GOLGA3: variants seen among roughly 807,000 people sequenced by gnomAD.
The protein encoded by GOLGA3 is golgin A3.
A neutral mutation model predicts 169.4 loss-of-function variants in GOLGA3; 75 were observed. That is an observed-to-expected ratio of 0.44 (90% CI 0.37 to 0.54). The LOEUF (loss-of-function observed/expected upper bound fraction) is 0.54. Ranked by LOEUF, GOLGA3 falls within the 20% of genes least tolerant of loss-of-function variation. The pLI, the probability that GOLGA3 is intolerant of heterozygous loss-of-function variation, is 0.00. For missense variants in GOLGA3, 1,899 were observed against 1,930.0 expected, an observed-to-expected ratio of 0.98 and a Z score of 0.30; for synonymous variants, 824 against 822.4, an observed-to-expected ratio of 1.00 and a Z score of -0.03.
Position 132,795,875 on chromosome 12 carries a change from C to T in GOLGA3, c.2446G>A (p.Glu816Lys). The change falls in exon 11 of 24, where the codon GAA becomes AAA. Residue 816 changes from glutamate to lysine, a missense_variant. Transcript: ENST00000450791. ...ACCTGGCCGGATTTGATAGCTAATT[C>T]TTCTCTTAACTTCTCTAAAGTTTCC... ...TSETLEKLRE[E>K]LAIKSGQVEH... 1 of 1,613,120 alleles carries T rather than the reference C, an allele frequency of 6.2e-7. No individual in the cohort carries two copies. The highest frequency in any genetic ancestry group is 8.5e-7 in the Non-Finnish European group (1 of 1,179,136).
chr12:132,784,095 C>T (rs749681745), intron 16 of GOLGA3, 69 bp downstream of exon 16: 19 of 1,595,980 alleles, frequency 1.2e-5, no homozygotes, highest in Middle Eastern at 1.6e-4. Flanking sequence ...GGGTCTCACG[C>T]GTGGCGGCAT....
chr12:132,802,371 GGTGC>G, intron 7 of GOLGA3, among the ~76,000 whole-genome samples: 1 of 88,822 alleles, frequency 1.1e-5, no homozygotes, highest in Non-Finnish European at 3.1e-5. Flanking sequence ...CGGACACGGG[GGTGC>G]AGGGGGCATG....
chr12:132,788,369 T>C (rs1217056514), intron 13 of GOLGA3, among the ~76,000 whole-genome samples: 1 of 152,216 alleles, frequency 6.6e-6, no homozygotes, highest in Non-Finnish European at 1.5e-5. Context: ...AAATTTACTG[T>C]TGCTCTCCTG....
chr12:132,811,999 T>C (rs1386629660), intron 4 of GOLGA3, among the ~76,000 whole-genome samples: 2 of 53,976 alleles, frequency 3.7e-5, no homozygotes, highest in African/African-American at 2.4e-4. Flanking sequence ...AGACTCCGTC[T>C]CTCAAAAAAA....
chr12:132,828,606 CA>C (rs1950522092), intron 1 of GOLGA3, 196 bp downstream of exon 1: 1 of 152,312 alleles, frequency 6.6e-6, no homozygotes, highest in South Asian at 2.1e-4. Context: ...AGCTCCGCCG[CA>C]GCTGAAGGCG....
intron 10 of GOLGA3, 78 bp from the exon 11 acceptor site, chr12:132,796,298 A>T: frequency 6.7e-7 from 1 of 1,486,764 alleles, no homozygotes; most frequent in Middle Eastern, 2.5e-4. Context: ...TTCGGGTTTC[A>T]AGTAATTTTG....
chr12:132,810,794 T>C (rs1949666301), intron 4 of GOLGA3, among the ~76,000 whole-genome samples: 1 of 152,180 alleles, frequency 6.6e-6, no homozygotes, highest in African/African-American at 2.4e-5. Context: ...CCTCCACCTC[T>C]TGTGGAGGGC....
rs2045927657 is a variant in GOLGA3, at chr12:132,786,791, T to C, written c.2812-4A>G. The C allele has an allele frequency of 6.3e-7, 1 of 1,596,832 alleles. No homozygotes were observed. Among genetic ancestry groups the C allele is most frequent in the African/African-American group, 1.3e-5 (1 of 74,666 alleles). ...GCTCCTTATCGAACTGCAACGACTG[T>C]GGAAGGGAAGGAGGGCGTGAGGAGC... is the stretch of plus-strand genomic sequence containing the variant. On this transcript the variant is annotated splice_polypyrimidine_tract_variant and splice_region_variant and intron_variant, in intron 13 of 23. Coordinates refer to ENST00000450791, the MANE Select transcript of GOLGA3 (RefSeq NM_001389683.1).
intron 15 of GOLGA3, among the ~76,000 whole-genome samples, chr12:132,785,621 T>C (rs1176314219): frequency 1.3e-5 from 2 of 152,190 alleles, no homozygotes; most frequent in Non-Finnish European, 2.9e-5. Flanking sequence ...CCGAGTTTAT[T>C]TGACAAGAAA....
At chr12:132,788,850 G>T (rs1005286091) in intron 13 of GOLGA3, among the ~76,000 whole-genome samples, 177 bp downstream of exon 13, 1 of 151,636 alleles carries the variant, frequency 6.6e-6, no homozygotes, top group Non-Finnish European at 1.5e-5. Context: ...GGTGGGCCTT[G>T]TTCCCAGCTG....
intron 1 of GOLGA3, chr12:132,827,885 C>G (rs1360586267): frequency 6.8e-6 from 1 of 147,374 alleles, no homozygotes; most frequent in South Asian, 2.2e-4. Context: ...CTGGGCAATA[C>G]AGCAACACAC....
At chr12:132,801,635 G>T in intron 8 of GOLGA3, 132 bp downstream of exon 8, 1 of 824,702 alleles carries the variant, frequency 1.2e-6, no homozygotes, top group East Asian at 2.5e-5. Flanking sequence ...GGGACACGGG[G>T]TGGGCTGGAC....
At chr12:132,788,905 G>GGC in intron 13 of GOLGA3, 122 bp downstream of exon 13, 3 of 381,368 alleles carry the variant, frequency 7.9e-6, no homozygotes, top group Non-Finnish European at 1.2e-5. Flanking sequence ...CCAGACACAG[G>GGC]CCCCGACCCA....
At chr12:132,805,150 C>T in intron 6 of GOLGA3, 128 bp from the exon 7 acceptor site, 1 of 1,052,190 alleles carries the variant, frequency 9.5e-7, no homozygotes, top group South Asian at 1.6e-5. Flanking sequence ...CAGGCGCTCT[C>T]CCAAGGCCTG....
intron 16 of GOLGA3, among the ~76,000 whole-genome samples, chr12:132,783,037 A>T (rs2045693639): frequency 6.6e-6 from 1 of 152,108 alleles, no homozygotes; most frequent in Non-Finnish European, 1.5e-5. Flanking sequence ...CTCTACCAAA[A>T]CTACAGAAAT....
rs201790149 is a variant in GOLGA3, at chr12:132,791,997, A to AG, written c.2470-705dup. Among the ~76,000 whole-genome samples the AG allele has an allele frequency of 6.4e-3, 938 of 146,604 alleles. 17 individuals are homozygous for AG. Among genetic ancestry groups the AG allele is most frequent in the African/African-American group, 0.022 (888 of 39,642 alleles). ...CAGATGTTACACTGAGGGCTCCAAGAGGGGGATGCATGTGCATGAATATTA... is the reference window on the plus strand; with the variant it reads ...CAGATGTTACACTGAGGGCTCCAAGAGGGGGGATGCATGTGCATGAATATTA... On this transcript the variant is annotated intron_variant, in intron 11 of 23. Transcript: ENST00000450791.
chr12:132,813,403 G>A lies in GOLGA3; in HGVS notation c.423C>T (p.Pro141=). ...QETQLCSTDS[P]LPLEKEEQVR... Reference sequence around the variant, plus strand: ...CCTGCTCCTCCTTCTCCAGGGGCAGGGGAGAATCTGTAGAGCCTGCAGTGG... The same window carrying A: ...CCTGCTCCTCCTTCTCCAGGGGCAGAGGAGAATCTGTAGAGCCTGCAGTGG... The change falls in exon 4 of 24, where the codon CCC becomes CCT. Residue 141 remains proline, a synonymous_variant. Coordinates refer to ENST00000450791, the MANE Select transcript of GOLGA3 (RefSeq NM_001389683.1). 6.2e-7 allele frequency: 1 copy of A among 1,609,442 alleles called. No individual in the cohort carries two copies. The highest frequency in any genetic ancestry group is 2.2e-5 in the East Asian group (1 of 44,790).
chr12:132,780,257 G>T (rs1017667843), intron 18 of GOLGA3, among the ~76,000 whole-genome samples: 3 of 152,174 alleles, frequency 2.0e-5, no homozygotes, highest in African/African-American at 7.2e-5. Context: ...CGTACTAGGA[G>T]TAGCTGCTCT....
chr12:132,805,206 G>A (rs113317736), intron 6 of GOLGA3, among the ~76,000 whole-genome samples, 184 bp from the exon 7 acceptor site: 34 of 121,608 alleles, frequency 2.8e-4, no homozygotes, highest in Non-Finnish European at 4.5e-4. Flanking sequence ...GGCCTGACAG[G>A]GGACCCCAAG....
Sources: allele counts gnomAD v4.1 joint callset (sites outside exome capture counted in the v4.1 genomes callset), GRCh38; gene constraint gnomAD v4.1.1; transcripts MANE v1.5; gene names NCBI Gene and HGNC (gene_info 2026-07-23, HGNC 2026-07-21).